CNKSR2: variants seen among roughly 807,000 people sequenced by gnomAD.
CNKSR2 encodes CNK homolog protein 2.
A neutral mutation model predicts 84.4 loss-of-function variants in CNKSR2; 14 were observed. That is an observed-to-expected ratio of 0.17 (90% CI 0.11 to 0.26). The LOEUF (loss-of-function observed/expected upper bound fraction) is 0.26, where lower values mean the gene tolerates loss of function less well. Ranked by LOEUF, CNKSR2 falls within the 10% of genes least tolerant of loss-of-function variation. The pLI, the probability that CNKSR2 is intolerant of heterozygous loss-of-function variation, is 1.00. For synonymous variants in CNKSR2, 275 were observed against 277.9 expected (o/e 0.99, Z 0.10); for missense variants, 485 against 771.2 (o/e 0.63, Z 4.40).
At chrX:21,624,793 G>A (rs1267729098) in intron 20 of CNKSR2, among the ~76,000 whole-genome samples, 1 of 112,178 alleles carries the variant, frequency 8.9e-6, no homozygotes, top group Non-Finnish European at 1.9e-5. Flanking sequence ...GAATTATGAT[G>A]TATTAATTTA....
chrX:21,446,610 T>A (rs142669050), intron 4 of CNKSR2, among the ~76,000 whole-genome samples: 2,173 of 111,459 alleles, frequency 0.019, 19 homozygotes, highest in Non-Finnish European at 0.028. Flanking sequence ...GTGTATCATA[T>A]TAATATGGAT....
At chrX:21,430,250 G>A (rs1325394029) in intron 2 of CNKSR2, among the ~76,000 whole-genome samples, 6 of 111,069 alleles carry the variant, frequency 5.4e-5, no homozygotes, top group East Asian at 2.8e-4. Context: ...GGTTTTGTCC[G>A]GATGATTATT....
At chrX:21,469,251 G>A (rs2091166977) in intron 4 of CNKSR2, among the ~76,000 whole-genome samples, 2 of 112,099 alleles carry the variant, frequency 1.8e-5, no homozygotes, top group African/African-American at 6.5e-5. Context: ...GCAGCATGTG[G>A]AAGCTGGGCA....
At chrX:21,640,724 A>C (rs1200947699) in intron 20 of CNKSR2, among the ~76,000 whole-genome samples, 1 of 112,016 alleles carries the variant, frequency 8.9e-6, no homozygotes, top group Non-Finnish European at 1.9e-5. Flanking sequence ...GATTTAAAAT[A>C]TTGCTGATTT....
At chrX:21,560,555 C>A (rs2092179073) in intron 11 of CNKSR2, among the ~76,000 whole-genome samples, 1 of 110,567 alleles carries the variant, frequency 9.0e-6, no homozygotes, top group African/African-American at 3.3e-5. Flanking sequence ...TCATAATAAC[C>A]ATTATTATTT....
At chrX:21,492,394 C>T (rs1344144923) in intron 6 of CNKSR2, 1 of 110,986 alleles carries the variant, frequency 9.0e-6, no homozygotes, top group Non-Finnish European at 1.9e-5. Flanking sequence ...GTATTTTTCT[C>T]ACACCTCTAT....
chrX:21,560,045 T>C (rs1329133065), intron 11 of CNKSR2, among the ~76,000 whole-genome samples: 1 of 111,296 alleles, frequency 9.0e-6, no homozygotes, highest in African/African-American at 3.3e-5. Flanking sequence ...AAAATTTAGC[T>C]GGGCAAGGAG....
chrX:21,585,404 G>A (rs2092379995), intron 13 of CNKSR2, among the ~76,000 whole-genome samples: 1 of 107,772 alleles, frequency 9.3e-6, no homozygotes, highest in Non-Finnish European at 1.9e-5. Context: ...GCTTAGACCA[G>A]GGTGGTAATA....
intron 5 of CNKSR2, among the ~76,000 whole-genome samples, chrX:21,483,809 A>G (rs1157880272): frequency 1.8e-5 from 2 of 109,868 alleles, no homozygotes; most frequent in Admixed American, 9.8e-5. Flanking sequence ...AAGATACTAA[A>G]CATACTATAT....
At chrX:21,424,160 T>A (rs1338905558) in intron 1 of CNKSR2, 1 of 111,465 alleles carries the variant, frequency 9.0e-6, no homozygotes, top group Non-Finnish European at 1.9e-5. Flanking sequence ...TGACACGACT[T>A]GGCATCTTTC....
chrX:21,651,100 T>A (rs2092719874), intron 21 of CNKSR2, among the ~76,000 whole-genome samples: 1 of 110,980 alleles, frequency 9.0e-6, no homozygotes, highest in African/African-American at 3.3e-5. Context: ...CTCTGTAGAG[T>A]CCCCCAGGGT....
chrX:21,638,861 C>G (rs1188687786), intron 20 of CNKSR2, among the ~76,000 whole-genome samples: 2 of 111,103 alleles, frequency 1.8e-5, no homozygotes, highest in Non-Finnish European at 3.8e-5. Flanking sequence ...ATTGTTTTTT[C>G]CATAGAGATG....
intron 11 of CNKSR2, among the ~76,000 whole-genome samples, chrX:21,536,767 C>G (rs1399638683): frequency 9.3e-6 from 1 of 106,976 alleles, no homozygotes. Context: ...CTTAGTCTGG[C>G]TAATAATTTA....
intron 4 of CNKSR2, among the ~76,000 whole-genome samples, chrX:21,458,272 TAACCACGTGTTTC>T (rs1313406650): frequency 1.8e-5 from 2 of 112,796 alleles, no homozygotes; most frequent in African/African-American, 6.4e-5. Context: ...AAGTGCTCAA[TAACCACGTGTTTC>T]TAATGGTTAT....
chrX:21,608,919 A>T, intron 19 of CNKSR2, 152 bp from the exon 20 acceptor site: 1 of 834,716 alleles, frequency 1.2e-6, no homozygotes, highest in East Asian at 3.5e-5. Context: ...CTGGGGCCTA[A>T]CTTTGAGATG....
chrX:21,456,025 A>C (rs145375908), intron 4 of CNKSR2, among the ~76,000 whole-genome samples: 2,070 of 110,952 alleles, frequency 0.019, 35 homozygotes, highest in African/African-American at 0.064. Context: ...CCCTCTACTC[A>C]TGTCTTTCTT....
chrX:21,563,117 T>A (rs2147190594), intron 12 of CNKSR2, 121 bp from the exon 13 acceptor site: 1 of 515,257 alleles, frequency 1.9e-6, no homozygotes, highest in South Asian at 4.0e-5. Context: ...GTTCTTGCAA[T>A]TAAAAGTAAT....
intron 8 of CNKSR2, among the ~76,000 whole-genome samples, chrX:21,514,943 A>G (rs1399562195): frequency 1.8e-5 from 2 of 110,642 alleles, no homozygotes; most frequent in Non-Finnish European, 3.8e-5. Flanking sequence ...ATCGGAATCA[A>G]TGTAATATAC....
rs964002590 is a variant in CNKSR2 at position 21,499,732 on chromosome X, G to A, written c.742-1788G>A. Among the ~76,000 whole-genome samples the A allele has an allele frequency of 4.5e-5, 5 of 110,163 alleles. No homozygotes were observed. In the Admixed American group the frequency reaches 4.8e-4, roughly 11 times the overall value. On this transcript the variant is annotated intron_variant, in intron 7 of 21. Transcript: ENST00000379510. ...TCTTAGTAAAGCTGCTCACTAGAGT[G>A]GGTAAGTTATTTTGCTTTGCTGTGC... is the stretch of plus-strand genomic sequence containing the variant.
Sources: allele counts gnomAD v4.1 joint callset (sites outside exome capture counted in the v4.1 genomes callset), GRCh38; gene constraint gnomAD v4.1.1; transcripts MANE v1.5; gene names NCBI Gene and HGNC (gene_info 2026-07-23, HGNC 2026-07-21).